The following FAM171A1 variants were observed in gnomAD, a reference collection of about 807,000 sequenced individuals.
FAM171A1 encodes protein FAM171A1.
Under a neutral mutation model 74.9 loss-of-function variants are expected in FAM171A1, and 23 were observed. The ratio of observed to expected loss-of-function variants is 0.31; its 90% confidence interval spans 0.22 to 0.44. The LOEUF (loss-of-function observed/expected upper bound fraction) is 0.44. Among genes scored for constraint, FAM171A1 ranks in the 20% least tolerant of loss-of-function variants. The probability of loss-of-function intolerance (pLI) is 1.00; values close to 1 mark genes in which losing one functional copy is unlikely to be tolerated. For synonymous variants in FAM171A1, 527 were observed against 505.7 expected, an observed-to-expected ratio of 1.04 and a Z score of -0.57; for missense variants, 1,162 against 1,159.2, an observed-to-expected ratio of 1.00 and a Z score of -0.03.
At chr10:15,285,388 G>A (rs1228956950) in intron 1 of FAM171A1, among the ~76,000 whole-genome samples, 2 of 152,200 alleles carry the variant, frequency 1.3e-5, no homozygotes, top group Non-Finnish European at 2.9e-5. Context: ...AAGGTTTTAA[G>A]AGGGGAGTGG....
chr10:15,211,935 T>A lies in FAM171A1; in HGVS notation c.*980A>T, dbSNP rs1833894754. The A allele has an allele frequency of 6.6e-6, 1 of 152,638 alleles. No homozygotes were observed. Among genetic ancestry groups the A allele is most frequent in the Non-Finnish European group, 1.5e-5 (1 of 68,068 alleles). 9.5% of individuals were successfully genotyped at this position (152,638 alleles called of 1,614,324 possible). A position where few individuals can be genotyped will look rare whatever the true frequency, so the allele number is the denominator to read the frequency against. ...GGGATGGAGCAGGGAAGGGCATCTC[T>A]AACGTGTCCTCTAGTCTATCTTCGC... On this transcript the variant is annotated 3_prime_UTR_variant, in exon 8 of 8. Transcript: ENST00000378116.
chr10:15,280,191 G>A (rs559277242), intron 2 of FAM171A1, among the ~76,000 whole-genome samples: 21 of 152,320 alleles, frequency 1.4e-4, no homozygotes, highest in African/African-American at 4.3e-4. Context: ...GTTGCCCAGG[G>A]CGGCCGACCA....
chr10:15,321,222 T>G (rs912124273), intron 1 of FAM171A1, among the ~76,000 whole-genome samples: 1 of 152,222 alleles, frequency 6.6e-6, no homozygotes, highest in African/African-American at 2.4e-5. Flanking sequence ...TGCATATGAA[T>G]TCCCTGCAGG....
intron 1 of FAM171A1, among the ~76,000 whole-genome samples, chr10:15,300,760 T>G (rs1045560906): frequency 6.6e-6 from 1 of 152,192 alleles, no homozygotes; most frequent in African/African-American, 2.4e-5. Flanking sequence ...AATGGGGTAG[T>G]GGCCCTGCCC....
intron 5 of FAM171A1, among the ~76,000 whole-genome samples, chr10:15,243,655 A>G (rs1051041805): frequency 3.3e-5 from 5 of 152,234 alleles, no homozygotes; most frequent in Admixed American, 3.3e-4. Flanking sequence ...GAAGCAAAAA[A>G]TAAACAGCAG....
At chr10:15,249,371 A>G (rs1005021992) in intron 4 of FAM171A1, among the ~76,000 whole-genome samples, 5 of 152,096 alleles carry the variant, frequency 3.3e-5, no homozygotes, top group African/African-American at 4.8e-5. Flanking sequence ...CTGTGCTGGG[A>G]TTATAGACTT....
chr10:15,341,650 G>A (rs1182927654), intron 1 of FAM171A1, among the ~76,000 whole-genome samples: 2 of 152,208 alleles, frequency 1.3e-5, no homozygotes, highest in African/African-American at 4.8e-5. Flanking sequence ...AGGGAAAAGT[G>A]ATACCATCCC....
intron 1 of FAM171A1, among the ~76,000 whole-genome samples, chr10:15,353,667 C>T (rs779646049): frequency 1.2e-4 from 19 of 152,076 alleles, no homozygotes; most frequent in Admixed American, 5.9e-4. Context: ...CCAAAGAAGC[C>T]GGACAAAGGG....
At chr10:15,303,522 CA>C (rs1326229366) in intron 1 of FAM171A1, among the ~76,000 whole-genome samples, 19 of 152,290 alleles carry the variant, frequency 1.2e-4, no homozygotes, top group Admixed American at 1.2e-3. Flanking sequence ...AATGTCAATA[CA>C]GGGGGCTTGA....
chr10:15,358,573 A>G lies in FAM171A1; in HGVS notation c.97+12383T>C, dbSNP rs566664696. On this transcript the variant is annotated intron_variant, in intron 1 of 7. Transcript: ENST00000378116. ...ACACAGAAGCCAGAAGATTCCCTCA[A>G]TCCCAGCTAGGTGTAAACCCAAATC... is the stretch of plus-strand genomic sequence containing the variant. Among the ~76,000 whole-genome samples, 142 of 152,252 alleles carry G rather than the reference A, an allele frequency of 9.3e-4. 1 individual carries two copies. In the Middle Eastern group the frequency reaches 0.017, roughly 18 times the overall value.
intron 2 of FAM171A1, among the ~76,000 whole-genome samples, chr10:15,280,388 C>T (rs916066323): frequency 6.6e-6 from 1 of 152,196 alleles, no homozygotes; most frequent in Admixed American, 6.5e-5. Context: ...GACTGGAGGC[C>T]ATTGCCATGG....
intron 5 of FAM171A1, among the ~76,000 whole-genome samples, chr10:15,236,997 G>A (rs1834299709): frequency 6.6e-6 from 1 of 152,156 alleles, no homozygotes; most frequent in Admixed American, 6.5e-5. Flanking sequence ...GGAGGCTGAG[G>A]CAGGAGAACC....
chr10:15,370,154 T>TC (rs1389803300), intron 1 of FAM171A1, among the ~76,000 whole-genome samples: 4 of 150,702 alleles, frequency 2.7e-5, no homozygotes, highest in Non-Finnish European at 5.9e-5. Context: ...ACCACGTTAC[T>TC]CCCAGGGCTG....
intron 1 of FAM171A1, among the ~76,000 whole-genome samples, chr10:15,296,672 A>C (rs1374398286): frequency 6.6e-6 from 1 of 152,140 alleles, no homozygotes; most frequent in South Asian, 2.1e-4. Context: ...TGATTGTACC[A>C]AGAGGTGCCC....
chr10:15,222,230 C>T (rs543812457), intron 5 of FAM171A1, among the ~76,000 whole-genome samples: 4 of 152,322 alleles, frequency 2.6e-5, no homozygotes, highest in African/African-American at 9.6e-5. Context: ...GGCTCTAAGG[C>T]CTAAATAGAC....
At chr10:15,224,948 C>T (rs1300079488) in intron 5 of FAM171A1, among the ~76,000 whole-genome samples, 1 of 152,160 alleles carries the variant, frequency 6.6e-6, no homozygotes, top group African/African-American at 2.4e-5. Flanking sequence ...TAGTTTTTCT[C>T]TCTTCCAAAA....
Position 15,310,537 on chromosome 10 carries a change from C to T in FAM171A1, c.98-26432G>A, listed in dbSNP as rs1003768180. Reference sequence around the variant, plus strand: ...TACCAAATGTTCTCTCCAACTGACCCGTCTTTAAAACGAAAACTCCTTCTA... The same window carrying T: ...TACCAAATGTTCTCTCCAACTGACCTGTCTTTAAAACGAAAACTCCTTCTA... On this transcript the variant is annotated intron_variant, in intron 1 of 7. Transcript: ENST00000378116. Among the ~76,000 whole-genome samples, 12 of 152,146 alleles carry T rather than the reference C, an allele frequency of 7.9e-5. 1 individual carries two copies. Among genetic ancestry groups the T allele is most frequent in the African/African-American group, 2.7e-4 (11 of 41,430 alleles).
chr10:15,216,022 CA>C lies in FAM171A1; in HGVS notation c.959del (p.Leu320CysfsTer14), dbSNP rs1165567269. The C allele has an allele frequency of 6.2e-7, 1 of 1,608,470 alleles. No homozygotes were observed. The highest frequency in any genetic ancestry group is 8.5e-7 in the Non-Finnish European group (1 of 1,179,024). On this transcript the variant is annotated frameshift_variant, in exon 7 of 8. Coordinates refer to ENST00000378116, the MANE Select transcript of FAM171A1 (RefSeq NM_001010924.2). LOFTEE classifies it high-confidence loss of function. ...TGCAATAATATAAAAGGAGACACAG[CA>C]AAACCAAAAGTATGAAAGCCATTCC... The part of the protein sequence containing the change: ...LGGMAFILLV[L>X]LCLLLYYCRR...
chr10:15,286,415 G>T (rs9787414), intron 1 of FAM171A1, among the ~76,000 whole-genome samples: 45,292 of 151,834 alleles, frequency 0.3, 8,011 homozygotes, highest in East Asian at 0.59. Context: ...CGAGTAGCTG[G>T]GATTACAGGT....
Sources: gnomAD v4.1 joint callset for allele counts (sites outside exome capture counted in the v4.1 genomes callset) on GRCh38, gnomAD v4.1.1 for gene constraint, MANE v1.5 for transcripts, NCBI Gene and HGNC (gene_info 2026-07-23, HGNC 2026-07-21) for gene names.